ADK: variants seen among roughly 807,000 people sequenced by gnomAD.
ADK encodes the protein N6,N6-dimethyladenosine kinase.
A neutral mutation model predicts 44.7 loss-of-function variants in ADK; 24 were observed. The observed-to-expected ratio is 0.54, with a 90% CI of 0.39 to 0.76. The LOEUF (loss-of-function observed/expected upper bound fraction) is 0.76, where lower values mean the gene tolerates loss of function less well. Among genes scored for constraint, ADK ranks in the 30% least tolerant of loss-of-function variants. ADK has a pLI of 0.00. For missense variants in ADK, 321 were observed against 425.1 expected (o/e 0.76, Z 2.15); for synonymous variants, 128 against 142.6 (o/e 0.90, Z 0.73).
intron 6 of ADK, among the ~76,000 whole-genome samples, chr10:74,439,583 C>G (rs1042215373): frequency 6.6e-6 from 1 of 152,138 alleles, no homozygotes; most frequent in Non-Finnish European, 1.5e-5. Flanking sequence ...TGGAAGATTT[C>G]ATCCTTTTTG....
At chr10:74,566,477 C>G (rs958831441) in intron 7 of ADK, among the ~76,000 whole-genome samples, 2 of 152,288 alleles carry the variant, frequency 1.3e-5, no homozygotes, top group African/African-American at 4.8e-5. Flanking sequence ...GCTGGGATTA[C>G]ATGCGTGAGC....
chr10:74,267,754 T>TTGTGTGTGTGTGTG (rs372502769), intron 3 of ADK, among the ~76,000 whole-genome samples: 4,106 of 132,644 alleles, frequency 0.031, 110 homozygotes, highest in East Asian at 0.066. Context: ...ATATCCTTAT[T>TTGTGTGTGTGTGTG]TGTGTGTGTG....
intron 3 of ADK, among the ~76,000 whole-genome samples, chr10:74,294,374 C>T (rs1209935735): frequency 6.6e-6 from 1 of 151,932 alleles, no homozygotes; most frequent in African/African-American, 2.4e-5. Context: ...GCAACCTCCA[C>T]CTCCCGGGTT....
intron 3 of ADK, among the ~76,000 whole-genome samples, chr10:74,259,883 T>G (rs2132368645): frequency 6.6e-6 from 1 of 152,324 alleles, no homozygotes; most frequent in East Asian, 1.9e-4. Flanking sequence ...TCCAATAAAT[T>G]AGTAATTCTT....
intron 6 of ADK, among the ~76,000 whole-genome samples, chr10:74,470,508 A>C (rs1330159617): frequency 1.3e-5 from 1 of 79,452 alleles, no homozygotes; most frequent in Non-Finnish European, 3.1e-5. Context: ...AGGATACTTC[A>C]TAGTGTTTTC....
chr10:74,421,605 C>T (rs539423305), intron 6 of ADK, among the ~76,000 whole-genome samples: 19 of 152,290 alleles, frequency 1.2e-4, no homozygotes, highest in Admixed American at 7.2e-4. Flanking sequence ...ACACATCTAA[C>T]GCTCACATCC....
intron 2 of ADK, among the ~76,000 whole-genome samples, chr10:74,209,845 G>A (rs1052441547): frequency 6.6e-6 from 1 of 152,138 alleles, no homozygotes; most frequent in African/African-American, 2.4e-5. Flanking sequence ...TGGAACATAT[G>A]AATACCTCCA....
chr10:74,380,707 G>A (rs1192535726), intron 4 of ADK, among the ~76,000 whole-genome samples: 3 of 151,974 alleles, frequency 2.0e-5, no homozygotes, highest in Non-Finnish European at 2.9e-5. Flanking sequence ...GCAGTGAATC[G>A]AGATCGTGCC....
intron 6 of ADK, among the ~76,000 whole-genome samples, chr10:74,482,541 A>G (rs918156887): frequency 1.3e-5 from 2 of 152,106 alleles, no homozygotes; most frequent in African/African-American, 4.8e-5. Flanking sequence ...TCCCTTCCCA[A>G]CAGTCCCCCA....
At chr10:74,554,151 T>C (rs1850149135) in intron 7 of ADK, among the ~76,000 whole-genome samples, 2 of 152,186 alleles carry the variant, frequency 1.3e-5, no homozygotes. Flanking sequence ...AAATGGAAAC[T>C]GATGTTCTTC....
At position 74,278,083 on chromosome 10, in the gene ADK, G is replaced by A. The variant is rs111354560; in HGVS notation, c.195-36584G>A. Among the ~76,000 whole-genome samples, 754 of 152,096 alleles carry A rather than the reference G, an allele frequency of 5.0e-3. 9 individuals carry two copies. Among genetic ancestry groups the A allele is most frequent in the African/African-American group, 0.017 (699 of 41,494 alleles). On this transcript the variant is annotated intron_variant, in intron 3 of 10. Coordinates refer to ENST00000539909, the MANE Select transcript of ADK (RefSeq NM_006721.4). ...AAAATCTACTGGGAGGGGTGGCGAC[G>A]TAGCTCACCCCTGTAATCCCAGCAC... is the stretch of plus-strand genomic sequence containing the variant.
At chr10:74,189,600 A>C (rs150548381) in intron 1 of ADK, among the ~76,000 whole-genome samples, 344 of 152,342 alleles carry the variant, frequency 2.3e-3, no homozygotes, top group African/African-American at 7.7e-3. Flanking sequence ...ACTGAGATAT[A>C]ATTCAGCTAC....
At chr10:74,183,729 C>G (rs1211594176) in intron 1 of ADK, among the ~76,000 whole-genome samples, 2 of 151,550 alleles carry the variant, frequency 1.3e-5, no homozygotes, top group African/African-American at 2.4e-5. Context: ...AGGCTGGTCT[C>G]GAACCCAGCC....
chr10:74,218,757 C>T (rs976227957), intron 2 of ADK, among the ~76,000 whole-genome samples: 1 of 152,148 alleles, frequency 6.6e-6, no homozygotes, highest in African/African-American at 2.4e-5. Flanking sequence ...AATTTCATAT[C>T]CAGCCGAACT....
At chr10:74,447,504 C>G (rs190199105) in intron 6 of ADK, among the ~76,000 whole-genome samples, 1 of 152,052 alleles carries the variant, frequency 6.6e-6, no homozygotes, top group Non-Finnish European at 1.5e-5. Flanking sequence ...AGAGCTCCTC[C>G]TATGTTTGCT....
chr10:74,366,990 T>A (rs1021616747), intron 4 of ADK, among the ~76,000 whole-genome samples: 1 of 152,242 alleles, frequency 6.6e-6, no homozygotes, highest in Non-Finnish European at 1.5e-5. Context: ...TTGTATGTGT[T>A]CATTCCCACA....
intron 1 of ADK, among the ~76,000 whole-genome samples, chr10:74,158,498 CAGT>C (rs1186041980): frequency 1.3e-5 from 2 of 152,150 alleles, no homozygotes; most frequent in African/African-American, 4.8e-5. Context: ...GTAAAGGTGT[CAGT>C]AGTATTTATT....
chr10:74,592,256 A>G (rs955233835), intron 8 of ADK, among the ~76,000 whole-genome samples: 1 of 152,122 alleles, frequency 6.6e-6, no homozygotes, highest in African/African-American at 2.4e-5. Context: ...AAAGTTTTAT[A>G]AGGCCTTTTA....
chr10:74,504,463 C>T (rs1163374832), intron 6 of ADK, among the ~76,000 whole-genome samples: 3 of 152,080 alleles, frequency 2.0e-5, no homozygotes, highest in Non-Finnish European at 2.9e-5. Flanking sequence ...TTACTAAGAG[C>T]CTACTGTTGA....
Sources: gnomAD v4.1 joint callset for allele counts (sites outside exome capture counted in the v4.1 genomes callset) on GRCh38, gnomAD v4.1.1 for gene constraint, MANE v1.5 for transcripts, NCBI Gene and HGNC (gene_info 2026-07-23, HGNC 2026-07-21) for gene names.